The following NFIA variants were observed in gnomAD, a reference collection of about 807,000 sequenced individuals.
The protein encoded by NFIA is nuclear factor I A.
In NFIA, 8 loss-of-function variants were observed where a neutral mutation model predicts 62.8. The ratio of observed to expected loss-of-function variants is 0.13; its 90% confidence interval spans 0.07 to 0.23. NFIA has a LOEUF of 0.23. Among genes scored for constraint, NFIA ranks in the 10% least tolerant of loss-of-function variants. The pLI is 1.00. For missense variants in NFIA, 410 were observed against 642.1 expected (o/e 0.64, Z 3.91); for synonymous variants, 235 against 238.1 (o/e 0.99, Z 0.12).
At chr1:61,280,083 A>C (rs1392689260) in intron 3 of NFIA, among the ~76,000 whole-genome samples, 1 of 152,238 alleles carries the variant, frequency 6.6e-6, no homozygotes, top group Non-Finnish European at 1.5e-5. Flanking sequence ...AAGAATTATC[A>C]GCCTACTCAG....
chr1:61,246,645 C>T (rs1024984306), intron 2 of NFIA, among the ~76,000 whole-genome samples: 3 of 152,016 alleles, frequency 2.0e-5, no homozygotes, highest in Admixed American at 2.0e-4. Flanking sequence ...CGTTATTGTC[C>T]ATAATATCCC....
intron 6 of NFIA, among the ~76,000 whole-genome samples, chr1:61,373,120 C>G (rs1250288172): frequency 6.6e-6 from 1 of 152,120 alleles, no homozygotes; most frequent in Non-Finnish European, 1.5e-5. Context: ...TAGCTTCCCA[C>G]TTTCTCTGTG....
Position 61,346,747 on chromosome 1 carries a change from T to C in NFIA, c.701-5703T>C, listed in dbSNP as rs72913811. 5.9e-3 allele frequency among the ~76,000 whole-genome samples: 892 copies of C among 152,298 alleles called. 9 individuals carry two copies. Among genetic ancestry groups the C allele is most frequent in the African/African-American group, 0.021 (865 of 41,560 alleles). On this transcript the variant is annotated intron_variant, in intron 4 of 10. Coordinates refer to ENST00000403491, the MANE Select transcript of NFIA (RefSeq NM_001134673.4). ...ATTCTGAATATGGTTGCTGTGTTAG[T>C]CCGTTCTCATGCTGCTATGAAGAAA... is the stretch of plus-strand genomic sequence containing the variant.
In NFIA at chr1:61,293,545, T is replaced by C. The variant is rs146862998; in HGVS notation, c.625+15960T>C. Among the ~76,000 whole-genome samples the C allele has an allele frequency of 8.1e-4, 123 of 152,316 alleles. No homozygotes were observed. The East Asian group carries it at 0.018, about 22-fold the overall frequency. On this transcript the variant is annotated intron_variant, in intron 3 of 10. Transcript: ENST00000403491. ...GTGTTTCCCTTGGAATGAAGCTTGC[T>C]GACTGACTGGCTGACAGCTAGAAAG...
chr1:61,260,085 G>C (rs578216992), intron 2 of NFIA, among the ~76,000 whole-genome samples: 1 of 152,318 alleles, frequency 6.6e-6, no homozygotes, highest in East Asian at 1.9e-4. Flanking sequence ...TTGAACTAGT[G>C]AATGTGTTCA....
At chr1:61,430,483 T>G (rs964864525) in intron 10 of NFIA, among the ~76,000 whole-genome samples, 8 of 152,352 alleles carry the variant, frequency 5.3e-5, no homozygotes, top group Admixed American at 3.9e-4. Context: ...ATACGCTGTT[T>G]GGTAGCCTGC....
intron 3 of NFIA, among the ~76,000 whole-genome samples, chr1:61,318,974 A>C (rs917472084): frequency 2.0e-5 from 3 of 152,170 alleles, no homozygotes; most frequent in African/African-American, 7.2e-5. Flanking sequence ...AAACAACGTA[A>C]ATGAGTCATA....
At chr1:61,359,358 A>C in intron 6 of NFIA, 84 bp downstream of exon 6, 2 of 1,587,410 alleles carry the variant, frequency 1.3e-6, no homozygotes, top group Non-Finnish European at 1.7e-6. Context: ...CATAAAAGTG[A>C]AGAAAGAAAG....
At chr1:61,110,496 A>C (rs2100452340) in intron 2 of NFIA, among the ~76,000 whole-genome samples, 1 of 152,202 alleles carries the variant, frequency 6.6e-6, no homozygotes, top group African/African-American at 2.4e-5. Flanking sequence ...TCAGTATAGA[A>C]AAATGTGTAC....
intron 2 of NFIA, among the ~76,000 whole-genome samples, chr1:61,148,496 G>T (rs1261967730): frequency 1.3e-5 from 2 of 152,092 alleles, no homozygotes; most frequent in Non-Finnish European, 2.9e-5. Flanking sequence ...TGAAGGCCTG[G>T]TTTGTTTTTC....
intron 2 of NFIA, among the ~76,000 whole-genome samples, chr1:61,123,317 C>CAG (rs930187644): frequency 6.6e-6 from 1 of 151,902 alleles, no homozygotes; most frequent in African/African-American, 2.4e-5. Context: ...GCAGAGGGTA[C>CAG]AGAGAGAGAG....
intron 1 of NFIA, among the ~76,000 whole-genome samples, chr1:61,087,496 T>C (rs573056989): frequency 1.7e-4 from 26 of 152,328 alleles, no homozygotes; most frequent in Middle Eastern, 3.4e-3. Context: ...CTTTTGTATA[T>C]GAACCTCCCA....
intron 9 of NFIA, among the ~76,000 whole-genome samples, chr1:61,423,147 C>A (rs764522067): frequency 3.3e-5 from 5 of 151,360 alleles, no homozygotes; most frequent in Non-Finnish European, 7.4e-5. Context: ...CAGATTAGTG[C>A]AAATGAGATC....
intron 2 of NFIA, among the ~76,000 whole-genome samples, chr1:61,214,288 G>T (rs779500829): frequency 6.6e-6 from 1 of 151,400 alleles, no homozygotes; most frequent in Non-Finnish European, 1.5e-5. Context: ...TTCCAGTTTG[G>T]ATCAAACCAC....
At chr1:61,233,222 TATTCTC>T (rs769983806) in intron 2 of NFIA, among the ~76,000 whole-genome samples, 8 of 152,194 alleles carry the variant, frequency 5.3e-5, no homozygotes, top group African/African-American at 9.7e-5. Flanking sequence ...ATACAGAAAT[TATTCTC>T]AAACTATTGT....
upstream of NFIA, among the ~76,000 whole-genome samples, chr1:61,079,994 G>T (rs1178098946): frequency 2.0e-5 from 3 of 152,112 alleles, no homozygotes; most frequent in Admixed American, 6.5e-5. Flanking sequence ...ACTGTGCTTT[G>T]TAGTGTTCCC....
At chr1:61,403,499 G>A (rs1240436312) in intron 7 of NFIA, among the ~76,000 whole-genome samples, 1 of 152,174 alleles carries the variant, frequency 6.6e-6, no homozygotes, top group East Asian at 1.9e-4. Flanking sequence ...TGTAACATAT[G>A]TGCATTTCTG....
intron 2 of NFIA, among the ~76,000 whole-genome samples, chr1:61,194,892 C>G (rs1275606255): frequency 6.6e-6 from 1 of 152,162 alleles, no homozygotes; most frequent in African/African-American, 2.4e-5. Context: ...AATCCAGATA[C>G]TCTGACTATA....
At chr1:61,212,184 G>A (rs979841093) in intron 2 of NFIA, among the ~76,000 whole-genome samples, 1 of 152,132 alleles carries the variant, frequency 6.6e-6, no homozygotes, top group African/African-American at 2.4e-5. Flanking sequence ...CAGTGCTTAA[G>A]GGCACAGGTG....
Sources: gnomAD v4.1 joint callset for allele counts (sites outside exome capture counted in the v4.1 genomes callset) on GRCh38, gnomAD v4.1.1 for gene constraint, MANE v1.5 for transcripts, NCBI Gene and HGNC (gene_info 2026-07-23, HGNC 2026-07-21) for gene names.